Variants in DCDC1 observed in about 807,000 individuals in gnomAD.
DCDC1 encodes the protein doublecortin domain containing 1.
In DCDC1, 200 loss-of-function variants were observed where a neutral mutation model predicts 178.3. That is an observed-to-expected ratio of 1.12 (90% CI 1.00 to 1.26). The LOEUF (loss-of-function observed/expected upper bound fraction) is 1.26. DCDC1 is among the 50% of genes most tolerant of loss of function. The pLI is 0.00. For synonymous variants in DCDC1, 690 were observed against 604.8 expected, an observed-to-expected ratio of 1.14 and a Z score of -2.07; for missense variants, 1,983 against 1,749.2, an observed-to-expected ratio of 1.13 and a Z score of -2.38.
chr11:30,930,055 C>T (rs1946834660), intron 22 of DCDC1, among the ~76,000 whole-genome samples: 1 of 152,082 alleles, frequency 6.6e-6, no homozygotes, highest in Non-Finnish European at 1.5e-5. Flanking sequence ...TTTCATACTT[C>T]CAGCATGATT....
intron 6 of DCDC1, among the ~76,000 whole-genome samples, chr11:31,294,861 A>AG (rs1491519014): frequency 1.4e-5 from 2 of 142,886 alleles, no homozygotes; most frequent in African/African-American, 5.3e-5. Flanking sequence ...AAAGAAAGAA[A>AG]GAAAGAAAAA....
chr11:31,010,333 G>C (rs1025954321), intron 20 of DCDC1, among the ~76,000 whole-genome samples: 5 of 152,200 alleles, frequency 3.3e-5, no homozygotes. Context: ...AGCTCCCTCA[G>C]GTTGTTAGGA....
At chr11:30,975,501 C>G (rs983517155) in intron 20 of DCDC1, among the ~76,000 whole-genome samples, 1 of 151,876 alleles carries the variant, frequency 6.6e-6, no homozygotes, top group Non-Finnish European at 1.5e-5. Flanking sequence ...AAACAAACCT[C>G]TGAGATAATC....
chr11:30,866,873 C>T (rs1238088729), intron 38 of DCDC1, among the ~76,000 whole-genome samples: 1 of 152,072 alleles, frequency 6.6e-6, no homozygotes, highest in Non-Finnish European at 1.5e-5. Flanking sequence ...GAGGGATTTA[C>T]CCTCATAAAT....
chr11:31,254,231 T>G (rs935498331), intron 8 of DCDC1, among the ~76,000 whole-genome samples: 4 of 152,150 alleles, frequency 2.6e-5, no homozygotes, highest in Non-Finnish European at 4.4e-5. Flanking sequence ...GGGCATCCCA[T>G]GTGTCACTGA....
chr11:31,362,366 C>G (rs1377643792), intron 1 of DCDC1, among the ~76,000 whole-genome samples: 1 of 152,128 alleles, frequency 6.6e-6, no homozygotes, highest in Non-Finnish European at 1.5e-5. Context: ...AAAAAACATA[C>G]AGTGTTTGAA....
At position 31,065,034 on chromosome 11, in the gene DCDC1, T is replaced by A; in HGVS notation, c.2418A>T (p.Arg806Ser). 1 of 762,546 alleles carries A rather than the reference T, an allele frequency of 1.3e-6. No homozygotes were observed. Among genetic ancestry groups the A allele is most frequent in the Non-Finnish European group, 2.4e-6 (1 of 416,670 alleles). 47.2% of individuals were successfully genotyped at this position (762,546 alleles called of 1,614,324 possible). Residue 806 changes from arginine (R) to serine (S), a missense_variant, in exon 19 of 39, where the codon AGA (arginine) becomes AGT (serine). By Grantham distance (110) the Arg-to-Ser change is moderately radical. Transcript: ENST00000684477. ...CTACACTGACCTCTTCTGCTAAGTT[T>A]CTGCCATGTTCCTGATGAGCTGTGG... is the stretch of plus-strand genomic sequence containing the variant. ...AWTTAHQEHGRNLAEEVLQES... is the reference protein window; with the variant it reads ...AWTTAHQEHGSNLAEEVLQES...
intron 20 of DCDC1, among the ~76,000 whole-genome samples, chr11:31,022,572 C>T (rs2135214381): frequency 6.6e-6 from 1 of 150,856 alleles, no homozygotes; most frequent in African/African-American, 2.4e-5. Flanking sequence ...TTTGATTCCC[C>T]TAATGTTAAA....
intron 36 of DCDC1, among the ~76,000 whole-genome samples, chr11:30,885,917 T>C (rs558448030): frequency 9.2e-5 from 14 of 152,186 alleles, no homozygotes; most frequent in South Asian, 4.1e-4. Context: ...CTCTTCATAA[T>C]AGCAAAAAAT....
chr11:31,111,331 A>C lies in DCDC1; in HGVS notation c.1486-970T>G, dbSNP rs528915620. Among the ~76,000 whole-genome samples, 9 of 152,204 alleles carry C rather than the reference A, an allele frequency of 5.9e-5. No homozygotes were observed. In the South Asian group the frequency reaches 1.7e-3, roughly 28 times the overall value. ...CTACCTTTTTTATATTTTTTGAGAAAGTTTTTGAAATGTATTTAATTGTCT... is the reference window on the plus strand; with the variant it reads ...CTACCTTTTTTATATTTTTTGAGAACGTTTTTGAAATGTATTTAATTGTCT... On this transcript the variant is annotated intron_variant, in intron 11 of 38. Coordinates refer to ENST00000684477, the MANE Select transcript of DCDC1 (RefSeq NM_001387274.1).
chr11:31,287,919 T>C (rs1946953863), intron 7 of DCDC1, among the ~76,000 whole-genome samples: 1 of 151,462 alleles, frequency 6.6e-6, no homozygotes, highest in African/African-American at 2.4e-5. Flanking sequence ...TTTTTTTTTT[T>C]TATTGTTACA....
intron 32 of DCDC1, among the ~76,000 whole-genome samples, chr11:30,901,592 TG>T (rs1442096740): frequency 6.6e-6 from 1 of 152,170 alleles, no homozygotes; most frequent in Non-Finnish European, 1.5e-5. Flanking sequence ...AGCCTACTGA[TG>T]GGCTTGCCTG....
At chr11:31,060,336 C>A (rs1301307012) in intron 20 of DCDC1, among the ~76,000 whole-genome samples, 1 of 151,922 alleles carries the variant, frequency 6.6e-6, no homozygotes, top group Non-Finnish European at 1.5e-5. Context: ...TTAATGTAAA[C>A]AATTATCTTA....
intron 15 of DCDC1, among the ~76,000 whole-genome samples, chr11:31,099,037 AT>A (rs1159645611): frequency 6.6e-6 from 1 of 152,126 alleles, no homozygotes; most frequent in Non-Finnish European, 1.5e-5. Context: ...TTATTCTCTC[AT>A]TTTTCAACAT....
At chr11:30,974,759 A>G (rs560813271) in intron 20 of DCDC1, among the ~76,000 whole-genome samples, 44 of 152,260 alleles carry the variant, frequency 2.9e-4, no homozygotes, top group Non-Finnish European at 5.6e-4. Context: ...TGATGGCTTC[A>G]CTGCCAAATT....
intron 1 of DCDC1, among the ~76,000 whole-genome samples, chr11:31,342,857 G>C (rs1950617131): frequency 6.6e-6 from 1 of 152,082 alleles, no homozygotes; most frequent in Non-Finnish European, 1.5e-5. Context: ...ATAACCTGAA[G>C]AAAACAGAAA....
intron 10 of DCDC1, among the ~76,000 whole-genome samples, chr11:31,135,122 C>G (rs1962966832): frequency 6.6e-6 from 1 of 152,080 alleles, no homozygotes; most frequent in African/African-American, 2.4e-5. Flanking sequence ...TGAAATGAAA[C>G]AAGATTTTAA....
At chr11:31,015,718 C>T (rs1391071977) in intron 20 of DCDC1, among the ~76,000 whole-genome samples, 1 of 152,120 alleles carries the variant, frequency 6.6e-6, no homozygotes, top group South Asian at 2.1e-4. Flanking sequence ...CTTTGTGATG[C>T]TGATTTTCAG....
At chr11:31,311,962 C>G (rs1948794860) in intron 3 of DCDC1, among the ~76,000 whole-genome samples, 1 of 152,156 alleles carries the variant, frequency 6.6e-6, no homozygotes, top group Non-Finnish European at 1.5e-5. Flanking sequence ...TGCCAAGGTA[C>G]TACCTCAGAG....
Sources: allele counts gnomAD v4.1 joint callset (sites outside exome capture counted in the v4.1 genomes callset), GRCh38; gene constraint gnomAD v4.1.1; transcripts MANE v1.5; gene names NCBI Gene and HGNC (gene_info 2026-07-23, HGNC 2026-07-21).